The following VNN1 variants were observed in gnomAD, a reference collection of about 807,000 sequenced individuals.
VNN1 encodes the protein vanin 1.
In VNN1, 29 loss-of-function variants were observed where a neutral mutation model predicts 41.9. That is an observed-to-expected ratio of 0.69 (90% confidence interval 0.52 to 0.94). The LOEUF is 0.94. Ranked by LOEUF, VNN1 falls within the 40% of genes least tolerant of loss-of-function variation. The pLI is 0.00. For synonymous variants in VNN1, 233 were observed against 224.4 expected (o/e 1.04, Z -0.34); for missense variants, 637 against 621.1 (o/e 1.03, Z -0.27).
chr6:132,690,267 G>A (rs1778263118), intron 5 of VNN1, among the ~76,000 whole-genome samples: 1 of 152,160 alleles, frequency 6.6e-6, no homozygotes. Context: ...TGAATCTTAA[G>A]TGTGCTAGGT....
At chr6:132,695,444 G>A (rs1778354463) in intron 2 of VNN1, among the ~76,000 whole-genome samples, 1 of 152,110 alleles carries the variant, frequency 6.6e-6, no homozygotes, top group Non-Finnish European at 1.5e-5. Context: ...CAGCTTGCAG[G>A]CAGCTTATGG....
intron 5 of VNN1, among the ~76,000 whole-genome samples, chr6:132,688,679 T>C (rs1778238307): frequency 6.6e-6 from 1 of 152,170 alleles, no homozygotes; most frequent in Non-Finnish European, 1.5e-5. Flanking sequence ...TATATAGCAA[T>C]ATAATACCAT....
At chr6:132,691,305 T>C (rs1166577690) in intron 5 of VNN1, among the ~76,000 whole-genome samples, 1 of 152,192 alleles carries the variant, frequency 6.6e-6, no homozygotes, top group Admixed American at 6.5e-5. Flanking sequence ...GAGCTGAGAT[T>C]GTCAGACTGT....
chr6:132,704,664 G>A (rs2114366676), intron 2 of VNN1, among the ~76,000 whole-genome samples: 1 of 151,600 alleles, frequency 6.6e-6, no homozygotes, highest in African/African-American at 2.4e-5. Flanking sequence ...AGAAAAGGAA[G>A]AGCAAACCAA....
At position 132,681,826 on chromosome 6, in the gene VNN1, G is replaced by A. The variant is rs45614931; in HGVS notation, c.*1314C>T. ...TCTTGGATGATATAGTACTTTTTAG[G>A]AAAAACATCTGCCACAAAAATGTTT... is the stretch of plus-strand genomic sequence containing the variant. On this transcript the variant is annotated 3_prime_UTR_variant, in exon 7 of 7. Coordinates refer to ENST00000367928, the MANE Select transcript of VNN1 (RefSeq NM_004666.3). 1,392 of 152,590 alleles carry A rather than the reference G, an allele frequency of 9.1e-3. 14 individuals carry two copies. The highest frequency in any genetic ancestry group is 0.013 in the Non-Finnish European group (904 of 67,968). The allele number at this position is 152,590 out of a possible 1,614,324, so 9.5% of individuals were successfully genotyped here.
In VNN1 at chr6:132,693,060, C is replaced by A. The variant is rs1458241112; in HGVS notation, c.790G>T (p.Ala264Ser). The A allele has an allele frequency of 1.9e-6, 3 of 1,613,070 alleles. No homozygotes were observed. Among genetic ancestry groups the A allele is most frequent in the Non-Finnish European group, 2.5e-6 (3 of 1,179,502 alleles). ...TTTGAGGGGTAATGTATGTTGGATG[C>A]AAGGAAATTGACCCTCATGCCCATA... is the stretch of plus-strand genomic sequence containing the variant. Reference protein sequence around the residue: ...WAMGMRVNFLASNIHYPSKKM... With the variant: ...WAMGMRVNFLSSNIHYPSKKM... Residue 264 changes from alanine (A) to serine (S), a missense_variant, in exon 4 of 7, where the codon GCA (alanine) becomes TCA (serine). Ala to Ser is a moderately conservative substitution (Grantham distance 99, BLOSUM62 1). Transcript: ENST00000367928.
At position 132,693,311 on chromosome 6, in the gene VNN1, T is replaced by C. The variant is rs760753183; in HGVS notation, c.539A>G (p.Asn180Ser). 16 of 1,598,564 alleles carry C rather than the reference T, an allele frequency of 1.0e-5. No homozygotes were observed. The Admixed American group carries it at 2.6e-4, about 26-fold the overall frequency. Residue 180 changes from asparagine to serine, a missense_variant, in exon 4 of 7, where the codon AAC (asparagine) becomes AGC (serine). Transcript: ENST00000367928. The part of the protein sequence containing the change: ...GKLVARYHKQ[N>S]LFMGENQFNV... ...GAATTGATTTTCACCCATGAAAAGG[T>C]TTTGCTGCAATAAACAGAAGATAAA...
At chr6:132,686,454 C>T (rs1254254413) in intron 5 of VNN1, among the ~76,000 whole-genome samples, 1 of 151,720 alleles carries the variant, frequency 6.6e-6, no homozygotes, top group Non-Finnish European at 1.5e-5. Context: ...TCAAAAAAAA[C>T]AAAGTTTATC....
chr6:132,712,840 A>G (rs554725158), intron 1 of VNN1, among the ~76,000 whole-genome samples: 2 of 152,332 alleles, frequency 1.3e-5, no homozygotes, highest in East Asian at 3.9e-4. Flanking sequence ...ATATTAGTAT[A>G]TATAAGAATA....
chr6:132,696,053 T>C (rs943384979), intron 2 of VNN1, among the ~76,000 whole-genome samples: 2 of 152,176 alleles, frequency 1.3e-5, no homozygotes, highest in African/African-American at 4.8e-5. Flanking sequence ...ACACAGACTT[T>C]AAAACAATGG....
intron 2 of VNN1, among the ~76,000 whole-genome samples, chr6:132,709,290 G>T (rs891017280): frequency 6.6e-6 from 1 of 152,076 alleles, no homozygotes; most frequent in Non-Finnish European, 1.5e-5. Flanking sequence ...ATTTCAAGGG[G>T]ACAGGAATTT....
chr6:132,700,349 C>T (rs45511792), intron 2 of VNN1, among the ~76,000 whole-genome samples: 7,144 of 152,220 alleles, frequency 0.047, 364 homozygotes, highest in South Asian at 0.14. Context: ...CCCAAACCCT[C>T]TAGAGCTCTG....
At chr6:132,706,163 T>G (rs1214679737) in intron 2 of VNN1, among the ~76,000 whole-genome samples, 2 of 151,986 alleles carry the variant, frequency 1.3e-5, no homozygotes, top group Non-Finnish European at 2.9e-5. Context: ...AAAAAAAAAT[T>G]CTGAAATTTA....
chr6:132,708,889 A>T (rs1778555723), intron 2 of VNN1, among the ~76,000 whole-genome samples: 1 of 152,080 alleles, frequency 6.6e-6, no homozygotes, highest in Admixed American at 6.6e-5. Flanking sequence ...CATCACTGTA[A>T]CCACACTAAC....
At chr6:132,698,802 C>T (rs1392151160) in intron 2 of VNN1, 6 of 219,788 alleles carry the variant, frequency 2.7e-5, no homozygotes, top group Non-Finnish European at 1.0e-5. Context: ...GTACTGAAAC[C>T]TGACTGTCAG....
intron 2 of VNN1, among the ~76,000 whole-genome samples, chr6:132,704,676 C>A (rs12529776): frequency 0.047 from 7,120 of 150,610 alleles, 361 homozygotes; most frequent in South Asian, 0.14. Context: ...GCAAACCAAA[C>A]CTGAAATTAG....
rs547269898 is a variant in VNN1, at chr6:132,699,271, T to A, written c.342-5089A>T. Reference sequence around the variant, plus strand: ...TTCTACAACTCCACTATTCACTCATTCAAGGGAACTTGCCATTTGAAAGGA... The same window carrying A: ...TTCTACAACTCCACTATTCACTCATACAAGGGAACTTGCCATTTGAAAGGA... On this transcript the variant is annotated intron_variant, in intron 2 of 6. Coordinates refer to ENST00000367928, the MANE Select transcript of VNN1 (RefSeq NM_004666.3). 3.0e-4 allele frequency: 71 copies of A among 234,500 alleles called. No homozygotes were observed. In the South Asian group the frequency reaches 3.6e-3, roughly 12 times the overall value. The allele number at this position is 234,500 out of a possible 1,614,324, so 14.5% of individuals were successfully genotyped here.
In VNN1 at chr6:132,683,005, G is replaced by T. The variant is rs1230044146; in HGVS notation, c.*135C>A. On this transcript the variant is annotated 3_prime_UTR_variant, in exon 7 of 7. Coordinates refer to ENST00000367928, the MANE Select transcript of VNN1 (RefSeq NM_004666.3). ...TTATTAAGTTTATATTATCTGGTGT[G>T]TGTGTGTTTGTCTAAATAAAGAGAA... 3 of 637,388 alleles carry T rather than the reference G, an allele frequency of 4.7e-6. No homozygotes were observed. The highest frequency in any genetic ancestry group is 5.0e-6 in the Non-Finnish European group (2 of 398,574). 39.5% of individuals were successfully genotyped at this position (637,388 alleles called of 1,614,324 possible). A position where few individuals can be genotyped will look rare whatever the true frequency, so the allele number is the denominator to read the frequency against.
intron 2 of VNN1, among the ~76,000 whole-genome samples, chr6:132,704,688 A>T (rs537227244): frequency 1.3e-5 from 2 of 152,154 alleles, no homozygotes; most frequent in South Asian, 4.1e-4. Flanking sequence ...TGAAATTAGT[A>T]GAAGAAAAAT....
Sources: allele counts gnomAD v4.1 joint callset (sites outside exome capture counted in the v4.1 genomes callset), GRCh38; gene constraint gnomAD v4.1.1; transcripts MANE v1.5; gene names NCBI Gene and HGNC (gene_info 2026-07-23, HGNC 2026-07-21).